PTK2: variants seen among roughly 807,000 people sequenced by gnomAD.
PTK2 encodes the protein protein tyrosine kinase 2, also known as focal adhesion kinase 1.
A neutral mutation model predicts 150.1 loss-of-function variants in PTK2; 45 were observed. That is an observed-to-expected ratio of 0.30 (90% CI 0.24 to 0.38). The LOEUF (loss-of-function observed/expected upper bound fraction) is 0.38, where lower values mean the gene tolerates loss of function less well. PTK2 is among the 10% of genes least tolerant of loss of function. The pLI is 1.00. For missense variants in PTK2, 919 were observed against 1,307.3 expected (o/e 0.70, Z 4.58); for synonymous variants, 432 against 449.2 (o/e 0.96, Z 0.48).
At chr8:140,848,187 C>T (rs1028472845) in intron 5 of PTK2, among the ~76,000 whole-genome samples, 3 of 152,180 alleles carry the variant, frequency 2.0e-5, no homozygotes, top group African/African-American at 7.2e-5. Flanking sequence ...TCCAGTAAGC[C>T]TGCCATATCT....
chr8:140,890,447 G>C, intron 3 of PTK2, 96 bp downstream of exon 3: 1 of 1,058,134 alleles, frequency 9.5e-7, no homozygotes, highest in Non-Finnish European at 1.4e-6. Flanking sequence ...TCCCCGATAA[G>C]TTAAATAAAA....
chr8:140,907,389 C>T (rs1468160816), intron 2 of PTK2, among the ~76,000 whole-genome samples: 1 of 152,182 alleles, frequency 6.6e-6, no homozygotes, highest in Non-Finnish European at 1.5e-5. Context: ...CAACAAGTTT[C>T]CGTTGAACAT....
chr8:140,879,428 A>C (rs2100147617), intron 4 of PTK2, 43 bp downstream of exon 4: 3 of 1,519,230 alleles, frequency 2.0e-6, no homozygotes, highest in Non-Finnish European at 2.7e-6. Context: ...AAAAAGCAAA[A>C]GAAATCAAGT....
chr8:140,891,031 G>GT (rs1361608205), intron 2 of PTK2, among the ~76,000 whole-genome samples: 1 of 151,994 alleles, frequency 6.6e-6, no homozygotes, highest in African/African-American at 2.4e-5. Context: ...GTGTCAAAAA[G>GT]TATCTACAAA....
chr8:140,953,895 T>C (rs2100180335), intron 1 of PTK2, among the ~76,000 whole-genome samples: 1 of 151,728 alleles, frequency 6.6e-6, no homozygotes, highest in South Asian at 2.1e-4. Context: ...CAGGCATGCA[T>C]TACCACACCT....
At chr8:140,974,221 C>T (rs2100188439) in intron 1 of PTK2, among the ~76,000 whole-genome samples, 1 of 152,160 alleles carries the variant, frequency 6.6e-6, no homozygotes, top group South Asian at 2.1e-4. Flanking sequence ...CTTTGCTCAA[C>T]TAAGGGCTCA....
At chr8:140,865,026 C>T (rs2100138461) in intron 4 of PTK2, among the ~76,000 whole-genome samples, 2 of 152,206 alleles carry the variant, frequency 1.3e-5, no homozygotes, top group African/African-American at 4.8e-5. Context: ...CAAACTCCCA[C>T]CAACAGCATG....
exon 11 of PTK2, chr8:140,803,545 C>T (rs1428245510): frequency 5.0e-6 from 8 of 1,605,630 alleles, no homozygotes; most frequent in South Asian, 1.1e-5. Context: ...TTCCTTACCT[C>T]GGGTGCACCT....
intron 27 of PTK2, among the ~76,000 whole-genome samples, chr8:140,679,805 C>T (rs547142894): frequency 3.3e-5 from 5 of 152,298 alleles, no homozygotes; most frequent in East Asian, 1.9e-4. Context: ...ATAATCTACA[C>T]GGCTTTCTAG....
chr8:140,718,163 A>G (rs2100040828), intron 22 of PTK2: 2 of 160,028 alleles, frequency 1.2e-5, no homozygotes, highest in Admixed American at 1.2e-4. Context: ...TAATCTCCCT[A>G]AATTGCTCAA....
chr8:140,735,385 G>T, exon 22 of PTK2: 1 of 1,614,018 alleles, frequency 6.2e-7, no homozygotes, highest in Non-Finnish European at 8.5e-7. Context: ...CAATTCGACC[G>T]ATTACATCAT....
intron 16 of PTK2, among the ~76,000 whole-genome samples, chr8:140,755,619 A>G (rs1410422214): frequency 6.6e-6 from 1 of 152,048 alleles, no homozygotes; most frequent in Admixed American, 6.6e-5. Flanking sequence ...CAGCATCTTG[A>G]CCTCCCATTT....
chr8:140,852,009 C>T (rs978731676), intron 5 of PTK2, among the ~76,000 whole-genome samples: 2 of 152,108 alleles, frequency 1.3e-5, no homozygotes, highest in African/African-American at 4.8e-5. Context: ...AATCTGATTT[C>T]TCAAACTTCA....
chr8:140,983,385 A>AAG (rs1555498242), intron 1 of PTK2, among the ~76,000 whole-genome samples: 2 of 148,142 alleles, frequency 1.4e-5, no homozygotes, highest in Non-Finnish European at 2.9e-5. Context: ...CATCTCAAAA[A>AAG]AAAAAAAAAA....
chr8:140,804,225 CTTCT>C (rs968197468), intron 10 of PTK2, among the ~76,000 whole-genome samples: 5 of 99,512 alleles, frequency 5.0e-5, no homozygotes, highest in African/African-American at 2.3e-4. Flanking sequence ...ACTTTGGCTT[CTTCT>C]TTTTTTTTTT....
intron 4 of PTK2, among the ~76,000 whole-genome samples, chr8:140,869,286 AT>A (rs1056636532): frequency 6.6e-6 from 1 of 152,182 alleles, no homozygotes; most frequent in Non-Finnish European, 1.5e-5. Context: ...TTCTTCTTTA[AT>A]TTAGCCAAAC....
chr8:140,693,613 G>C (rs2100024569), intron 26 of PTK2, among the ~76,000 whole-genome samples: 1 of 135,276 alleles, frequency 7.4e-6, no homozygotes, highest in Non-Finnish European at 1.5e-5. Flanking sequence ...GGAGCACTAG[G>C]TATAGTACAG....
intron 2 of PTK2, among the ~76,000 whole-genome samples, chr8:140,904,968 A>T (rs1389410145): frequency 1.3e-5 from 2 of 151,930 alleles, no homozygotes; most frequent in African/African-American, 4.8e-5. Flanking sequence ...TTGATTTTTG[A>T]AAGTTTTTTT....
chr8:140,786,702 AG>A (rs1393765957), intron 14 of PTK2, among the ~76,000 whole-genome samples: 1 of 152,146 alleles, frequency 6.6e-6, no homozygotes, highest in Admixed American at 6.6e-5. Context: ...AGCAAGCAGT[AG>A]GGGAATGACT....
Sources: allele counts gnomAD v4.1 joint callset (sites outside exome capture counted in the v4.1 genomes callset), GRCh38; gene constraint gnomAD v4.1.1; transcripts MANE v1.5; gene names NCBI Gene and HGNC (gene_info 2026-07-23, HGNC 2026-07-21).